The following NOTUM variants were observed in gnomAD, a reference collection of about 807,000 sequenced individuals.
NOTUM encodes palmitoleoyl-protein carboxylesterase NOTUM.
NOTUM carries 36 observed loss-of-function variants against 65.5 expected under a neutral mutation model. The observed-to-expected ratio is 0.55, with a 90% confidence interval of 0.42 to 0.73. The LOEUF (loss-of-function observed/expected upper bound fraction) is 0.73, where lower values mean the gene tolerates loss of function less well. NOTUM is among the 30% of genes least tolerant of loss of function. The pLI is 0.00. For missense variants in NOTUM, 659 were observed against 694.2 expected (o/e 0.95, Z 0.57); for synonymous variants, 356 against 297.9 (o/e 1.20, Z -2.01).
Position 81,955,549 on chromosome 17 carries a change from G to A in NOTUM, c.989-5C>T, listed in dbSNP as rs370497057. On this transcript the variant is annotated splice_polypyrimidine_tract_variant and splice_region_variant and intron_variant, in intron 8 of 10. Coordinates refer to ENST00000409678, the MANE Select transcript of NOTUM (RefSeq NM_178493.6). The stretch of plus-strand genomic sequence containing the variant: ...ACTGCACCACGAACACAGGGCCTGC[G>A]GGCGGCGGGGCTCAGTTCGGCCTCC... 222 of 1,607,128 alleles carry A rather than the reference G, an allele frequency of 1.4e-4. 1 individual carries two copies. The highest frequency in any genetic ancestry group is 1.5e-4 in the Non-Finnish European group (173 of 1,177,136).
intron 1 of NOTUM, 42 bp from the exon 2 acceptor site, chr17:81,959,734 C>G (rs1401329057): frequency 9.9e-6 from 12 of 1,209,494 alleles, no homozygotes; most frequent in Middle Eastern, 3.1e-4. Flanking sequence ...CCAGGGCTGC[C>G]GACCCGCCGC....
chr17:81,957,999 C>A lies in NOTUM; in HGVS notation c.593-91G>T. ...ATGGCTGGCAGAGAAGTTCTTGCCC[C>A]ACTGGGGGACTGGGAGGAATCTTCT... On this transcript the variant is annotated intron_variant, in intron 5 of 10. Coordinates refer to ENST00000409678, the MANE Select transcript of NOTUM (RefSeq NM_178493.6). The A allele has an allele frequency of 4.3e-6, 4 of 925,864 alleles. No homozygotes were observed. The South Asian group carries it at 5.8e-5, about 13-fold the overall frequency. 57.4% of individuals were successfully genotyped at this position (925,864 alleles called of 1,614,324 possible).
At chr17:81,959,422 T>A (rs1336956208) in intron 3 of NOTUM, 49 bp downstream of exon 3, 16 of 1,418,536 alleles carry the variant, frequency 1.1e-5, no homozygotes, top group Non-Finnish European at 1.5e-5. Flanking sequence ...GGGCGCGGCT[T>A]CCTCCCGGGC....
At position 81,955,444 on chromosome 17, in the gene NOTUM, G is replaced by A; in HGVS notation, c.1089C>T (p.Tyr363=). 1.2e-6 allele frequency: 2 copies of A among 1,602,136 alleles called. No individual in the cohort carries two copies. Among genetic ancestry groups the A allele is most frequent in the Non-Finnish European group, 1.7e-6 (2 of 1,175,248 alleles). ...GQPVQEGLRL[Y]IQNLGRELRH... ...GCAGCTCGCGGCCGAGGTTCTGGAT[G>A]TACAGCCGCAGGCCCTCCTGCACCG... The change falls in exon 9 of 11, where the codon TAC becomes TAT. Residue 363 remains tyrosine (Y), a synonymous_variant. Transcript: ENST00000409678.
rs376904682 is a variant in NOTUM, at chr17:81,957,901, G to A, written c.600C>T (p.Tyr200=). The change falls in exon 6 of 11, where the codon TAC becomes TAT. Residue 200 remains tyrosine, a synonymous_variant. Coordinates refer to ENST00000409678, the MANE Select transcript of NOTUM (RefSeq NM_178493.6). ...GASSKSEKNE[Y]AFMGALIIQE... ...GGATGATGAGGGCGCCCATGAAGGC[G>A]TACTCGTCTGCAAGAGGGAGGGGGT... 3.1e-5 allele frequency: 50 copies of A among 1,598,824 alleles called. No individual in the cohort carries two copies. The highest frequency in any genetic ancestry group is 1.3e-4 in the African/African-American group (10 of 74,458).
chr17:81,954,941 C>T (rs983970256), intron 9 of NOTUM, among the ~76,000 whole-genome samples: 1 of 115,848 alleles, frequency 8.6e-6, no homozygotes, highest in Admixed American at 8.3e-5. Flanking sequence ...ATCTCTCTCT[C>T]TCTCTCTCTC....
intron 3 of NOTUM, 52 bp from the exon 4 acceptor site, chr17:81,959,047 T>A (rs2041454600): frequency 6.6e-7 from 1 of 1,525,862 alleles, no homozygotes; most frequent in East Asian, 2.3e-5. Flanking sequence ...CTGTGTAGGG[T>A]CGGGTCTGGG....
intron 3 of NOTUM, 90 bp from the exon 4 acceptor site, chr17:81,959,085 C>T (rs2041454825): frequency 8.9e-7 from 1 of 1,120,356 alleles, no homozygotes; most frequent in Non-Finnish European, 1.4e-6. Flanking sequence ...GGGGCTCCTA[C>T]TTGGCCCCAG....
In NOTUM at chr17:81,958,245, C is replaced by T. The variant is rs905301537; in HGVS notation, c.592+90G>A. 9.1e-6 allele frequency: 8 copies of T among 876,946 alleles called. No individual in the cohort carries two copies. The Admixed American group carries it at 1.5e-4, about 16-fold the overall frequency. The allele number at this position is 876,946 out of a possible 1,614,324, so 54.3% of individuals were successfully genotyped here. On this transcript the variant is annotated intron_variant, in intron 5 of 10. Transcript: ENST00000409678. The stretch of plus-strand genomic sequence containing the variant: ...TTCCCCAGAACCCCTGCCGTCCCGC[C>T]TCATCCCTGCCCTGCCGTCCTGCCT...
chr17:81,956,201 C>A (rs2143942859), intron 8 of NOTUM, among the ~76,000 whole-genome samples: 1 of 152,348 alleles, frequency 6.6e-6, no homozygotes, highest in East Asian at 1.9e-4. Flanking sequence ...ACTCCACTTT[C>A]ACCTAAATAT....
At position 81,960,151 on chromosome 17, in the gene NOTUM, G is replaced by A. The variant is rs1000282395; in HGVS notation, c.323+436C>T. The stretch of plus-strand genomic sequence containing the variant: ...CCCAAGTCTCCCGCTGTCCCCGGCT[G>A]TCCTCGGCCTGTTGAGCGCGTGGGC... On this transcript the variant is annotated intron_variant, in intron 1 of 10. Coordinates refer to ENST00000409678, the MANE Select transcript of NOTUM (RefSeq NM_178493.6). This position sits in a 1 kb window ranked among gnomAD's most constrained non-coding sequence, Gnocchi z 6.4. 1.3e-5 allele frequency among the ~76,000 whole-genome samples: 2 copies of A among 152,036 alleles called. No homozygotes were observed. The highest frequency in any genetic ancestry group is 2.4e-5 in the African/African-American group (1 of 41,420).
At chr17:81,957,313 C>T (rs2041440902) in intron 6 of NOTUM, among the ~76,000 whole-genome samples, 1 of 152,186 alleles carries the variant, frequency 6.6e-6, no homozygotes, top group Non-Finnish European at 1.5e-5. Context: ...CCCCTTCCTC[C>T]TCCCCTTCCT....
chr17:81,958,506 G>T (rs1027116086), intron 4 of NOTUM, 113 bp from the exon 5 acceptor site: 4 of 738,458 alleles, frequency 5.4e-6, no homozygotes, highest in African/African-American at 3.4e-5. Flanking sequence ...GGATTCCCCT[G>T]GAAGGACCAT....
intron 9 of NOTUM, among the ~76,000 whole-genome samples, chr17:81,954,962 C>T (rs1006689814): frequency 3.3e-5 from 5 of 149,380 alleles, no homozygotes; most frequent in African/African-American, 9.8e-5. Context: ...TCTCTCTCCT[C>T]TCTCTCTTTC....
At chr17:81,958,511 G>A (rs760561111) in intron 4 of NOTUM, 118 bp from the exon 5 acceptor site, 9 of 721,180 alleles carry the variant, frequency 1.2e-5, no homozygotes, top group Middle Eastern at 4.7e-4. Flanking sequence ...CCCCTGGAAG[G>A]ACCATCCCAG....
intron 6 of NOTUM, 51 bp from the exon 7 acceptor site, chr17:81,957,125 C>T (rs2143944515): frequency 1.3e-6 from 2 of 1,494,872 alleles, no homozygotes; most frequent in African/African-American, 1.4e-5. Flanking sequence ...AGGCACTCAC[C>T]TCCCCCGAGT....
intron 9 of NOTUM, 76 bp from the exon 10 acceptor site, chr17:81,954,379 G>T: frequency 9.7e-7 from 1 of 1,034,436 alleles, no homozygotes; most frequent in Non-Finnish European, 1.5e-6. Flanking sequence ...CCCTAGAGCT[G>T]TCCCCCGCCT....
At chr17:81,957,131 C>CGAGTCTGCT in intron 6 of NOTUM, 57 bp from the exon 7 acceptor site, 1 of 1,458,406 alleles carries the variant, frequency 6.9e-7, no homozygotes, top group South Asian at 1.2e-5. Flanking sequence ...TCACCTCCCC[C>CGAGTCTGCT]GAGTCTGCTC....
chr17:81,953,664 T>C (rs2041405543), intron 10 of NOTUM, among the ~76,000 whole-genome samples: 2 of 150,864 alleles, frequency 1.3e-5, no homozygotes, highest in African/African-American at 2.4e-5. Flanking sequence ...AATGCAGTGG[T>C]GTGATCACTG....
Sources: allele counts gnomAD v4.1 joint callset (sites outside exome capture counted in the v4.1 genomes callset), GRCh38; gene constraint gnomAD v4.1.1; non-coding constraint Gnocchi (gnomAD v3.1); transcripts MANE v1.5; gene names NCBI Gene and HGNC (gene_info 2026-07-23, HGNC 2026-07-21).